MKLN1: variants seen among roughly 807,000 people sequenced by gnomAD.
The protein encoded by MKLN1 is muskelin.
MKLN1 carries 18 observed loss-of-function variants against 99.0 expected under a neutral mutation model. That is an observed-to-expected ratio of 0.18 (90% CI 0.13 to 0.27). The LOEUF is 0.27. Ranked by LOEUF, MKLN1 falls within the 10% of genes least tolerant of loss-of-function variation. The pLI is 1.00. For synonymous variants in MKLN1, 288 were observed against 293.2 expected, an observed-to-expected ratio of 0.98 and a Z score of 0.18; for missense variants, 621 against 875.9, an observed-to-expected ratio of 0.71 and a Z score of 3.67.
intron 3 of MKLN1, among the ~76,000 whole-genome samples, chr7:131,227,728 G>A (rs1419879496): frequency 6.6e-6 from 1 of 151,846 alleles, no homozygotes; most frequent in Non-Finnish European, 1.5e-5. Flanking sequence ...ACCATGCATG[G>A]CTAACTTTCA....
At chr7:131,449,242 T>G (rs565371180) in intron 12 of MKLN1, among the ~76,000 whole-genome samples, 1 of 152,330 alleles carries the variant, frequency 6.6e-6, no homozygotes, top group Non-Finnish European at 1.5e-5. Context: ...ATAGTGGGAC[T>G]GGTACGTATT....
chr7:131,216,216 A>G (rs945315689), intron 3 of MKLN1, among the ~76,000 whole-genome samples: 6 of 152,116 alleles, frequency 3.9e-5, no homozygotes, highest in Admixed American at 3.9e-4. Flanking sequence ...CCTGGCCAAC[A>G]TGGTGAAACT....
At chr7:131,114,344 T>C (rs1204965799) in intron 1 of MKLN1, among the ~76,000 whole-genome samples, 1 of 152,040 alleles carries the variant, frequency 6.6e-6, no homozygotes, top group African/African-American at 2.4e-5. Flanking sequence ...CCATAGAATA[T>C]CAAAGTGAAG....
chr7:131,314,047 A>C lies in MKLN1; in HGVS notation c.-178-61377A>C, dbSNP rs181551521. 2.0e-4 allele frequency among the ~76,000 whole-genome samples: 31 copies of C among 152,324 alleles called. No homozygotes were observed. In the East Asian group the frequency reaches 5.2e-3, roughly 26 times the overall value. On this transcript the variant is annotated intron_variant, in intron 3 of 7. Transcript: ENST00000416992. Reference sequence around the variant, plus strand: ...CCTTTCTTATCTTAACCAGCAAAGAAACCAGTAACTCCCTGTAGTAATAAT... The same window carrying C: ...CCTTTCTTATCTTAACCAGCAAAGACACCAGTAACTCCCTGTAGTAATAAT...
intron 3 of MKLN1, among the ~76,000 whole-genome samples, chr7:131,293,397 T>C (rs147374900): frequency 4.6e-5 from 7 of 152,364 alleles, no homozygotes; most frequent in Non-Finnish European, 1.5e-5. Context: ...AGCTAATGGT[T>C]ATAGTCATCT....
At position 131,487,719 on chromosome 7, in the gene MKLN1, C is replaced by G. The variant is rs1335660878; in HGVS notation, c.2199C>G (p.Ile733Met). The change falls in exon 18 of 18, where the codon ATC becomes ATG. Residue 733 changes from isoleucine to methionine, a missense_variant. This residue lies in a region of MKLN1 where 126 missense variants were observed against 157.4 expected (regional missense o/e 0.80). Coordinates refer to ENST00000352689, the MANE Select transcript of MKLN1 (RefSeq NM_013255.5). The surrounding 1 kb of genome is among the most constrained non-coding windows in gnomAD (Gnocchi z 4.7). Reference protein sequence around the residue: ...TPPKGNLVDLITL With the variant: ...TPPKGNLVDLMTL ...CTAAAGGCAACCTGGTAGACCTCAT[C>G]ACACTGTAACTGAAGAGTCACTGGA... 6.2e-7 allele frequency: 1 copy of G among 1,611,266 alleles called. No homozygotes were observed. The highest frequency in any genetic ancestry group is 8.5e-7 in the Non-Finnish European group (1 of 1,178,874).
At chr7:131,389,115 A>G (rs1368683219) in intron 4 of MKLN1, 143 bp downstream of exon 4, 1 of 540,856 alleles carries the variant, frequency 1.8e-6, no homozygotes, top group Non-Finnish European at 3.2e-6. Flanking sequence ...TTGTTTACAT[A>G]TTGTCTGTAT....
intron 3 of MKLN1, among the ~76,000 whole-genome samples, chr7:131,240,576 C>G (rs1431151881): frequency 2.0e-5 from 3 of 152,118 alleles, no homozygotes; most frequent in African/African-American, 7.2e-5. Context: ...TATTAGTTGG[C>G]AAAACCTTTC....
chr7:131,195,777 C>G (rs1276669993), intron 2 of MKLN1, among the ~76,000 whole-genome samples: 1 of 151,926 alleles, frequency 6.6e-6, no homozygotes, highest in Non-Finnish European at 1.5e-5. Flanking sequence ...GTGGTGAAAC[C>G]CTGTCTCTAC....
intron 3 of MKLN1, among the ~76,000 whole-genome samples, chr7:131,269,175 T>C (rs2116553095): frequency 6.6e-6 from 1 of 152,360 alleles, no homozygotes; most frequent in East Asian, 1.9e-4. Context: ...AATAAATGTG[T>C]TATAAACATT....
At chr7:131,266,507 A>C (rs892789278) in intron 3 of MKLN1, among the ~76,000 whole-genome samples, 17 of 152,206 alleles carry the variant, frequency 1.1e-4, no homozygotes, top group African/African-American at 3.4e-4. Flanking sequence ...TTTTCAAAGC[A>C]TACAGCTCTT....
chr7:131,152,523 G>C (rs1266510411), intron 2 of MKLN1, among the ~76,000 whole-genome samples: 3 of 145,114 alleles, frequency 2.1e-5, no homozygotes, highest in Non-Finnish European at 3.0e-5. Context: ...TTTTGGAGAC[G>C]GAGTCTCGCT....
At chr7:131,405,802 G>A (rs949515644) in intron 6 of MKLN1, among the ~76,000 whole-genome samples, 8 of 152,146 alleles carry the variant, frequency 5.3e-5, no homozygotes, top group Non-Finnish European at 1.2e-4. Flanking sequence ...TATGTTTCCA[G>A]TCCTTTGAAA....
intron 1 of MKLN1, among the ~76,000 whole-genome samples, chr7:131,125,920 G>GGC (rs1795448280): frequency 6.6e-6 from 1 of 151,464 alleles, no homozygotes; most frequent in Non-Finnish European, 1.5e-5. Context: ...GCAGGAGAAT[G>GGC]GCGTGAACCC....
chr7:131,259,913 T>C (rs1343548598), intron 3 of MKLN1, among the ~76,000 whole-genome samples: 1 of 152,188 alleles, frequency 6.6e-6, no homozygotes, highest in Non-Finnish European at 1.5e-5. Flanking sequence ...AGTCAAATTA[T>C]TGCTCTTTGT....
At chr7:131,261,188 A>G (rs1797726677) in intron 3 of MKLN1, among the ~76,000 whole-genome samples, 1 of 152,254 alleles carries the variant, frequency 6.6e-6, no homozygotes, top group Non-Finnish European at 1.5e-5. Context: ...AAAAGAAACT[A>G]TCAACCAAGT....
At chr7:131,150,967 T>C (rs1795880430) in intron 2 of MKLN1, among the ~76,000 whole-genome samples, 1 of 152,198 alleles carries the variant, frequency 6.6e-6, no homozygotes, top group African/African-American at 2.4e-5. Flanking sequence ...AGACTTGTTT[T>C]TGTAAGTGGT....
At chr7:131,444,876 T>C (rs936790363) in intron 11 of MKLN1, among the ~76,000 whole-genome samples, 3 of 151,410 alleles carry the variant, frequency 2.0e-5, no homozygotes. Flanking sequence ...TTGCCCAGGC[T>C]GTCTCAAGCA....
intron 3 of MKLN1, among the ~76,000 whole-genome samples, chr7:131,217,680 A>G (rs1392680644): frequency 6.6e-6 from 1 of 152,252 alleles, no homozygotes; most frequent in Non-Finnish European, 1.5e-5. Context: ...CCTGGGCGAA[A>G]GAGTGAAACT....
Sources: allele counts gnomAD v4.1 joint callset (sites outside exome capture counted in the v4.1 genomes callset), GRCh38; gene constraint gnomAD v4.1.1; regional missense constraint gnomAD v4.1.1; non-coding constraint Gnocchi (gnomAD v3.1); transcripts MANE v1.5; gene names NCBI Gene and HGNC (gene_info 2026-07-23, HGNC 2026-07-21).